Variants in CTNNA2 observed in about 807,000 individuals in gnomAD.
CTNNA2 encodes catenin alpha-2.
A neutral mutation model predicts 101.0 loss-of-function variants in CTNNA2; 42 were observed. The observed-to-expected ratio is 0.42, with a 90% CI of 0.32 to 0.54. CTNNA2 has a LOEUF of 0.54. Among genes scored for constraint, CTNNA2 ranks in the 20% least tolerant of loss-of-function variants. The pLI, the probability that CTNNA2 is intolerant of heterozygous loss-of-function variation, is 0.14. For synonymous variants in CTNNA2, 450 were observed against 456.4 expected, an observed-to-expected ratio of 0.99 and a Z score of 0.18; for missense variants, 871 against 1,223.1, an observed-to-expected ratio of 0.71 and a Z score of 4.29.
chr2:79,978,906 T>A (rs1691058883), intron 7 of CTNNA2, among the ~76,000 whole-genome samples: 1 of 152,214 alleles, frequency 6.6e-6, no homozygotes, highest in African/African-American at 2.4e-5. Flanking sequence ...TATTTTATCA[T>A]GCCCTCTTGA....
At chr2:79,570,019 G>A (rs1344538628) in intron 1 of CTNNA2, among the ~76,000 whole-genome samples, 1 of 152,124 alleles carries the variant, frequency 6.6e-6, no homozygotes, top group Admixed American at 6.6e-5. Context: ...ATAATATTTA[G>A]AGAATTTATT....
At chr2:79,818,848 T>TATATATATATATATATATATATATATA (rs70940046) in intron 3 of CTNNA2, among the ~76,000 whole-genome samples, 10 of 135,406 alleles carry the variant, frequency 7.4e-5, no homozygotes, top group African/African-American at 2.5e-4. Flanking sequence ...TATATATATA[T>TATATATATATATATATATATATATATA]GGATGTATGT....
At chr2:79,579,257 C>T (rs763104892) in intron 1 of CTNNA2, among the ~76,000 whole-genome samples, 4 of 145,650 alleles carry the variant, frequency 2.7e-5, no homozygotes, top group Non-Finnish European at 4.5e-5. Flanking sequence ...CTCCCTCCCT[C>T]GCTTCCTTCC....
chr2:79,874,088 C>A lies in CTNNA2; in HGVS notation c.598C>A (p.Pro200Thr), dbSNP rs768485978. 2.9e-5 allele frequency: 47 copies of A among 1,613,992 alleles called. No homozygotes were observed. The South Asian group carries it at 4.8e-4, about 17-fold the overall frequency. Reference protein sequence around the residue: ...AARRQQELKDPHCRDEMAAAR... With the variant: ...AARRQQELKDTHCRDEMAAAR... ...GTTACACACACAGGAGCTGAAGGAT[C>A]CTCACTGTCGGGATGAGATGGCAGC... The change falls in exon 6 of 19, where the codon CCT (proline) becomes ACT (threonine). Residue 200 changes from proline to threonine, a missense_variant. This residue lies in a region of CTNNA2 where 647 missense variants were observed against 831.5 expected (regional missense o/e 0.78). Transcript: ENST00000402739.
chr2:79,329,550 C>T (rs368709806), intron 3 of CTNNA2, among the ~76,000 whole-genome samples: 1 of 152,134 alleles, frequency 6.6e-6, no homozygotes, highest in African/African-American at 2.4e-5. Flanking sequence ...TGCACACCTA[C>T]ACTGGTGTGC....
At chr2:80,497,087 A>T (rs1687535804) in intron 9 of CTNNA2, among the ~76,000 whole-genome samples, 1 of 152,188 alleles carries the variant, frequency 6.6e-6, no homozygotes, top group South Asian at 2.1e-4. Flanking sequence ...TAGAGCCCGA[A>T]AAGTTTTGCT....
chr2:79,669,355 C>T (rs371041069), intron 2 of CTNNA2, among the ~76,000 whole-genome samples: 101 of 152,114 alleles, frequency 6.6e-4, no homozygotes, highest in African/African-American at 2.3e-3. Context: ...TTTGATCATG[C>T]GGGCTAGTCA....
intron 9 of CTNNA2, among the ~76,000 whole-genome samples, chr2:80,467,786 T>C (rs1420621776): frequency 6.6e-6 from 1 of 152,160 alleles, no homozygotes. Flanking sequence ...AGTATCCTTA[T>C]AAAGAAACCT....
chr2:79,651,435 C>A, intron 1 of CTNNA2, 117 bp from the exon 2 acceptor site: 1 of 923,732 alleles, frequency 1.1e-6, no homozygotes, highest in Non-Finnish European at 1.7e-6. Flanking sequence ...CAGGTTGGAC[C>A]AGAGAGGCTA....
chr2:79,516,313 T>G (rs546524937), intron 1 of CTNNA2, among the ~76,000 whole-genome samples: 1 of 152,192 alleles, frequency 6.6e-6, no homozygotes, highest in Non-Finnish European at 1.5e-5. Flanking sequence ...TATATGATTA[T>G]GTACTAGAAA....
At chr2:79,885,617 C>T (rs1030737896) in intron 6 of CTNNA2, among the ~76,000 whole-genome samples, 7 of 152,156 alleles carry the variant, frequency 4.6e-5, no homozygotes, top group East Asian at 1.9e-4. Flanking sequence ...TTATCTACTT[C>T]GATATTTTAT....
intron 7 of CTNNA2, among the ~76,000 whole-genome samples, chr2:80,260,948 C>T (rs1259005834): frequency 1.3e-5 from 2 of 152,088 alleles, no homozygotes; most frequent in African/African-American, 4.8e-5. Flanking sequence ...GTGCTGGGAA[C>T]CACATGTGGA....
At chr2:80,180,160 G>T (rs1224432276) in intron 7 of CTNNA2, among the ~76,000 whole-genome samples, 2 of 152,112 alleles carry the variant, frequency 1.3e-5, no homozygotes, top group Non-Finnish European at 2.9e-5. Flanking sequence ...GGCAAGGATG[G>T]GAGAAAGATT....
intron 7 of CTNNA2, among the ~76,000 whole-genome samples, chr2:80,125,409 A>T (rs1222926553): frequency 6.6e-6 from 1 of 152,108 alleles, no homozygotes; most frequent in Non-Finnish European, 1.5e-5. Flanking sequence ...TGATGCAGAG[A>T]TTTCAATGGG....
chr2:79,399,028 T>C (rs2104478975), intron 4 of CTNNA2, among the ~76,000 whole-genome samples: 1 of 152,186 alleles, frequency 6.6e-6, no homozygotes, highest in Non-Finnish European at 1.5e-5. Flanking sequence ...GCCCATCACA[T>C]CCATCACATG....
chr2:79,383,727 A>G (rs1472747741), intron 4 of CTNNA2, among the ~76,000 whole-genome samples: 1 of 152,196 alleles, frequency 6.6e-6, no homozygotes, highest in Non-Finnish European at 1.5e-5. Flanking sequence ...ATCATATCCA[A>G]TTTGACCTTG....
chr2:79,612,368 A>G (rs541107108), intron 1 of CTNNA2, among the ~76,000 whole-genome samples: 3 of 152,314 alleles, frequency 2.0e-5, no homozygotes, highest in East Asian at 3.9e-4. Flanking sequence ...TTTCTAAATC[A>G]AAATCCATGG....
chr2:80,139,057 T>C (rs1032507141), intron 7 of CTNNA2, among the ~76,000 whole-genome samples: 3 of 152,180 alleles, frequency 2.0e-5, no homozygotes. Flanking sequence ...AAGCGACCTA[T>C]GGAAAATTGC....
intron 7 of CTNNA2, among the ~76,000 whole-genome samples, chr2:80,004,633 A>G: frequency 6.6e-6 from 1 of 152,106 alleles, no homozygotes; most frequent in East Asian, 1.9e-4. Context: ...TAACGCAGCT[A>G]CTAAGGAGCA....
Sources: allele counts gnomAD v4.1 joint callset (sites outside exome capture counted in the v4.1 genomes callset), GRCh38; gene constraint gnomAD v4.1.1; regional missense constraint gnomAD v4.1.1; transcripts MANE v1.5; gene names NCBI Gene and HGNC (gene_info 2026-07-23, HGNC 2026-07-21).